ATL3: variants seen among roughly 807,000 people sequenced by gnomAD.
ATL3 encodes the protein atlastin-3.
ATL3 carries 49 observed loss-of-function variants against 69.5 expected under a neutral mutation model. The ratio of observed to expected loss-of-function variants is 0.71; its 90% CI spans 0.56 to 0.89. The LOEUF (loss-of-function observed/expected upper bound fraction) is 0.89. Ranked by LOEUF, ATL3 falls within the 40% of genes least tolerant of loss-of-function variation. ATL3 has a pLI of 0.00. For synonymous variants in ATL3, 214 were observed against 224.1 expected (o/e 0.95, Z 0.40); for missense variants, 606 against 645.7 (o/e 0.94, Z 0.67).
chr11:63,657,530 C>G (rs1409892075), intron 3 of ATL3, among the ~76,000 whole-genome samples: 1 of 152,132 alleles, frequency 6.6e-6, no homozygotes, highest in African/African-American at 2.4e-5. Flanking sequence ...AAGTAAAGAA[C>G]AGAAGTGGTA....
At chr11:63,661,849 A>G (rs1940430364) in intron 1 of ATL3, among the ~76,000 whole-genome samples, 1 of 151,484 alleles carries the variant, frequency 6.6e-6, no homozygotes, top group African/African-American at 2.4e-5. Flanking sequence ...AGATTGCACC[A>G]CTGCACTCCA....
At chr11:63,653,117 G>A (rs1265490622) in intron 3 of ATL3, among the ~76,000 whole-genome samples, 3 of 151,972 alleles carry the variant, frequency 2.0e-5, no homozygotes, top group Admixed American at 2.0e-4. Flanking sequence ...GATCACTTGA[G>A]GCCAGGAGTT....
At position 63,635,516 on chromosome 11, in the gene ATL3, T is replaced by C; in HGVS notation, c.1035+18A>G. The stretch of plus-strand genomic sequence containing the variant: ...AGTAATTTAAGGGTAGCGTTTAGGA[T>C]GTCAAATCATTGTTTACCTGAAGCA... On this transcript the variant is annotated intron_variant, in intron 10 of 12. Transcript: ENST00000398868. 6.2e-7 allele frequency: 1 copy of C among 1,606,338 alleles called. No individual in the cohort carries two copies. The highest frequency in any genetic ancestry group is 8.5e-7 in the Non-Finnish European group (1 of 1,173,336).
In ATL3 at chr11:63,632,127, A is replaced by T. The variant is rs1030408086; in HGVS notation, c.1108-656T>A. Reference sequence around the variant, plus strand: ...CCACATACGCTTTGAGACATGCTTTAATTTTTTTTTTCTGGAAGCCCTGCG... The same window carrying T: ...CCACATACGCTTTGAGACATGCTTTTATTTTTTTTTTCTGGAAGCCCTGCG... On this transcript the variant is annotated intron_variant, in intron 11 of 12. Transcript: ENST00000398868. The T allele has an allele frequency of 1.9e-5, 7 of 372,388 alleles. No individual in the cohort carries two copies. The Admixed American group carries it at 2.5e-4, about 13-fold the overall frequency. 23.1% of individuals were successfully genotyped at this position (372,388 alleles called of 1,614,324 possible).
At chr11:63,637,093 A>T (rs1001202343) in intron 8 of ATL3, among the ~76,000 whole-genome samples, 4 of 152,096 alleles carry the variant, frequency 2.6e-5, no homozygotes, top group Non-Finnish European at 4.4e-5. Context: ...TCTGGCCAAG[A>T]TGGTGAAACC....
intron 11 of ATL3, among the ~76,000 whole-genome samples, chr11:63,631,811 G>A (rs1939328512): frequency 3.3e-5 from 5 of 152,078 alleles, no homozygotes; most frequent in South Asian, 4.1e-4. Flanking sequence ...GTGAAACTCC[G>A]TCTCTACTAA....
intron 1 of ATL3, chr11:63,670,635 C>CTG (rs1940739948): frequency 6.6e-6 from 1 of 152,272 alleles, no homozygotes; most frequent in African/African-American, 2.4e-5. Context: ...GAACAACGTA[C>CTG]TGTGCCAAAA....
At chr11:63,641,814 C>T (rs1446062768) in intron 8 of ATL3, among the ~76,000 whole-genome samples, 1 of 152,148 alleles carries the variant, frequency 6.6e-6, no homozygotes, top group Non-Finnish European at 1.5e-5. Flanking sequence ...AAAAACTCTG[C>T]CTACTCCCTG....
At chr11:63,666,103 C>T (rs914699380) in intron 1 of ATL3, among the ~76,000 whole-genome samples, 6 of 152,136 alleles carry the variant, frequency 3.9e-5, no homozygotes, top group African/African-American at 1.2e-4. Context: ...ACCTCAGCCT[C>T]CCAGTATCAT....
rs1358943200 is a variant in ATL3 at position 63,647,031 on chromosome 11, C to G, written c.562-468G>C. ...ACACCGCTGCCTTAGGACCTTCGTA[C>G]TGGCTCCTCCCACTAACTATAAGTT... On this transcript the variant is annotated intron_variant, in intron 5 of 12. Transcript: ENST00000398868. Among the ~76,000 whole-genome samples the G allele has an allele frequency of 4.6e-5, 7 of 152,176 alleles. No individual in the cohort carries two copies. In the South Asian group the frequency reaches 1.4e-3, roughly 31 times the overall value.
intron 6 of ATL3, among the ~76,000 whole-genome samples, chr11:63,645,837 G>A (rs1939857250): frequency 1.3e-5 from 2 of 151,466 alleles, no homozygotes; most frequent in African/African-American, 4.8e-5. Flanking sequence ...GCATGACCTC[G>A]GCTCACTGTA....
chr11:63,645,067 C>T (rs982864575), intron 6 of ATL3, among the ~76,000 whole-genome samples: 1 of 148,732 alleles, frequency 6.7e-6, no homozygotes, highest in Non-Finnish European at 1.5e-5. Context: ...GGTGACAGAG[C>T]GAGACTCTGT....
Position 63,628,319 on chromosome 11 carries a change from CAAAAAAAA to C in ATL3, c.*992_*999del, listed in dbSNP as rs764121315. Reference sequence around the variant, plus strand: ...TTTTCTAGAAAGAAGCTATAGGGACCAAAAAAAAAAAAAAAATAGAGCAAGTTGCAACA... The same window carrying C: ...TTTTCTAGAAAGAAGCTATAGGGACCAAAAAAAATAGAGCAAGTTGCAACA... On this transcript the variant is annotated 3_prime_UTR_variant, in exon 13 of 13. Transcript: ENST00000398868. 2 of 112,536 alleles carry C rather than the reference CAAAAAAAA, an allele frequency of 1.8e-5. No individual in the cohort carries two copies. The highest frequency in any genetic ancestry group is 3.2e-5 in the African/African-American group (1 of 31,054). 7.0% of individuals were successfully genotyped at this position (112,536 alleles called of 1,614,324 possible).
intron 1 of ATL3, among the ~76,000 whole-genome samples, chr11:63,660,516 T>G (rs1354444321): frequency 6.6e-6 from 1 of 152,152 alleles, no homozygotes; most frequent in African/African-American, 2.4e-5. Flanking sequence ...TTTGGCTGTA[T>G]CTACAAAAAT....
rs913464202 is a variant in ATL3 at position 63,644,177 on chromosome 11, G to A, written c.703C>T (p.Arg235Cys). The A allele has an allele frequency of 4.4e-6, 7 of 1,602,136 alleles. No homozygotes were observed. The highest frequency in any genetic ancestry group is 1.1e-5 in the South Asian group (1 of 89,814). The change falls in exon 7 of 13, where the codon CGT becomes TGT. Residue 235 changes from arginine (R) to cysteine (C), a missense_variant. Transcript: ENST00000398868. ...LQGGMAFLDK[R>C]LQVKEHQHEE... ...ATTATAGTCCCACTTACCTGTAAACGCTTATCCAAAAATGCCATTCCTCCT... is the reference window on the plus strand; with the variant it reads ...ATTATAGTCCCACTTACCTGTAAACACTTATCCAAAAATGCCATTCCTCCT...
intron 3 of ATL3, among the ~76,000 whole-genome samples, chr11:63,654,149 G>GT (rs1178233786): frequency 0.016 from 2,281 of 138,436 alleles, 44 homozygotes; most frequent in African/African-American, 0.047. Context: ...GATACAATTT[G>GT]TTTTTTTTTT....
At position 63,629,316 on chromosome 11, in the gene ATL3, A is replaced by G; in HGVS notation, c.*3T>C. On this transcript the variant is annotated 3_prime_UTR_variant, in exon 13 of 13. Transcript: ENST00000398868. ...GTTCTTGTTTGATCTTCACGTTAAG[A>G]TGCTATTGAGCTTTTTTATCCATGG... 6.2e-7 allele frequency: 1 copy of G among 1,612,770 alleles called. No individual in the cohort carries two copies. The highest frequency in any genetic ancestry group is 8.5e-7 in the Non-Finnish European group (1 of 1,178,770).
chr11:63,649,628 T>C (rs1040693957), intron 5 of ATL3, among the ~76,000 whole-genome samples: 11 of 151,708 alleles, frequency 7.3e-5, no homozygotes, highest in African/African-American at 2.4e-5. Flanking sequence ...GCCTCCCAGG[T>C]TCAAGTGATT....
At chr11:63,662,516 A>G (rs1192542756) in intron 1 of ATL3, among the ~76,000 whole-genome samples, 3 of 152,178 alleles carry the variant, frequency 2.0e-5, no homozygotes, top group African/African-American at 7.2e-5. Context: ...GTCTGGCTCT[A>G]TAACTCAGGC....
Sources: gnomAD v4.1 joint callset for allele counts (sites outside exome capture counted in the v4.1 genomes callset) on GRCh38, gnomAD v4.1.1 for gene constraint, MANE v1.5 for transcripts, NCBI Gene and HGNC (gene_info 2026-07-23, HGNC 2026-07-21) for gene names.